The following ECPAS variants were observed in gnomAD, a reference collection of about 807,000 sequenced individuals.
The protein encoded by ECPAS is proteasome adapter and scaffold protein ECM29.
ECPAS carries 70 observed loss-of-function variants against 255.1 expected under a neutral mutation model. The ratio of observed to expected loss-of-function variants is 0.27; its 90% CI spans 0.23 to 0.33. ECPAS has a LOEUF of 0.33. Among genes scored for constraint, ECPAS ranks in the 10% least tolerant of loss-of-function variants. ECPAS has a pLI of 1.00. For missense variants in ECPAS, 1,817 were observed against 2,206.4 expected (o/e 0.82, Z 3.54); for synonymous variants, 784 against 775.0 (o/e 1.01, Z -0.19).
intron 48 of ECPAS, among the ~76,000 whole-genome samples, 178 bp from the exon 49 acceptor site, chr9:111,363,837 G>A (rs2098117031): frequency 6.6e-6 from 1 of 151,854 alleles, no homozygotes; most frequent in Non-Finnish European, 1.5e-5. Context: ...TGAAATGTGT[G>A]CTAATGTCCA....
chr9:111,363,133 C>T (rs567738971), intron 49 of ECPAS, among the ~76,000 whole-genome samples: 1 of 113,322 alleles, frequency 8.8e-6, no homozygotes, highest in African/African-American at 3.3e-5. Context: ...CACTGATAGA[C>T]CATTAGAAGA....
chr9:111,426,129 T>C (rs200937240), intron 10 of ECPAS, among the ~76,000 whole-genome samples: 3 of 152,320 alleles, frequency 2.0e-5, no homozygotes, highest in East Asian at 3.9e-4. Flanking sequence ...CCTATGTTTC[T>C]TAATTATATG....
chr9:111,417,316 C>G (rs181472106), intron 17 of ECPAS, among the ~76,000 whole-genome samples: 1 of 152,248 alleles, frequency 6.6e-6, no homozygotes, highest in Admixed American at 6.5e-5. Context: ...ATATTTAACA[C>G]AGCCAAAATG....
chr9:111,452,472 T>C (rs895293112), intron 2 of ECPAS, among the ~76,000 whole-genome samples: 1 of 152,194 alleles, frequency 6.6e-6, no homozygotes, highest in Admixed American at 6.5e-5. Flanking sequence ...GAGATAAAGA[T>C]GGAAATATTT....
chr9:111,442,415 T>C lies in ECPAS; in HGVS notation c.280A>G (p.Ile94Val), dbSNP rs1032151182. 1.3e-5 allele frequency: 20 copies of C among 1,590,274 alleles called. No individual in the cohort carries two copies. In the Admixed American group the frequency reaches 2.5e-4, roughly 20 times the overall value. ...GGATAGCCCATTTTAACATAAATTA[T>C]AGTAAAATTCTAATGCAATAAGAGA... ...AAVSFVTNFTIIYVKMGYPRL... is the reference protein window; with the variant it reads ...AAVSFVTNFTVIYVKMGYPRL... The change falls in exon 5 of 50, where the codon ATA (isoleucine) becomes GTA (valine). Residue 94 changes from isoleucine (I) to valine (V), a missense_variant. This residue lies in a region of ECPAS where 90 missense variants were observed against 158.5 expected (regional missense o/e 0.57). Coordinates refer to ENST00000684092, the MANE Select transcript of ECPAS (RefSeq NM_001364929.1).
rs751589475 is a variant in ECPAS, at chr9:111,484,281, C to T, written c.-248G>A. On this transcript the variant is annotated 5_prime_UTR_variant, in exon 1 of 50. Coordinates refer to ENST00000684092, the MANE Select transcript of ECPAS (RefSeq NM_001364929.1). The stretch of plus-strand genomic sequence containing the variant: ...GCTGCCCTAGCGGCCGGGGGAAATC[C>T]TCGAGGCGGGGCCGGAGCGCCCTTT... 37 of 1,532,624 alleles carry T rather than the reference C, an allele frequency of 2.4e-5. No individual in the cohort carries two copies. The highest frequency in any genetic ancestry group is 4.3e-5 in the Admixed American group (2 of 46,410). 94.9% of individuals were successfully genotyped at this position (1,532,624 alleles called of 1,614,324 possible).
chr9:111,408,527 G>A (rs1023626296), intron 24 of ECPAS, 44 bp downstream of exon 24: 3 of 1,170,964 alleles, frequency 2.6e-6, no homozygotes, highest in South Asian at 1.7e-5. Flanking sequence ...AAAGACCAAT[G>A]CCTTTTCTCT....
chr9:111,392,513 G>A (rs528920906), intron 28 of ECPAS, among the ~76,000 whole-genome samples: 7 of 152,064 alleles, frequency 4.6e-5, no homozygotes, highest in Non-Finnish European at 1.0e-4. Flanking sequence ...CAGTAATTAC[G>A]GCATTTTTCT....
chr9:111,444,444 T>C lies in ECPAS; in HGVS notation c.204A>G (p.Lys68=). 3 of 1,613,944 alleles carry C rather than the reference T, an allele frequency of 1.9e-6. No individual in the cohort carries two copies. The highest frequency in any genetic ancestry group is 2.2e-5 in the East Asian group (1 of 44,858). The change falls in exon 4 of 50, where the codon AAA becomes AAG. Residue 68 remains lysine, a synonymous_variant. Transcript: ENST00000684092. ...ACAGTGTCTCTACTGGAAGTTGTAT[T>C]TTGGGGCGGCTTTTTATACGTTTAT... ...HLNKRIKSRP[K]IQLPVETLLV...
In ECPAS at chr9:111,393,649, T is replaced by G. The variant is rs369468498; in HGVS notation, c.2977+31A>C. The G allele has an allele frequency of 8.6e-5, 119 of 1,379,800 alleles. No individual in the cohort carries two copies. The African/African-American group carries it at 1.3e-3, about 15-fold the overall frequency. The allele number at this position is 1,379,800 out of a possible 1,614,324, so 85.5% of individuals were successfully genotyped here. On this transcript the variant is annotated intron_variant, in intron 27 of 49. Transcript: ENST00000684092. Reference sequence around the variant, plus strand: ...TGAACATTTAAAATACAAGTTCAATTAAGTTTAGAAATCAAATATTAACAA... The same window carrying G: ...TGAACATTTAAAATACAAGTTCAATGAAGTTTAGAAATCAAATATTAACAA...
intron 2 of ECPAS, among the ~76,000 whole-genome samples, chr9:111,455,309 C>A (rs1043093192): frequency 6.6e-6 from 1 of 151,978 alleles, no homozygotes; most frequent in Non-Finnish European, 1.5e-5. Context: ...ACGGTGAAAC[C>A]CCATCTCTAC....
At chr9:111,370,161 A>C (rs1220862976) in intron 45 of ECPAS, among the ~76,000 whole-genome samples, 1 of 152,202 alleles carries the variant, frequency 6.6e-6, no homozygotes, top group Admixed American at 6.5e-5. Flanking sequence ...TCCTGCCTAG[A>C]ACACAAACAC....
chr9:111,421,413 G>A (rs960248067), intron 15 of ECPAS, among the ~76,000 whole-genome samples: 285 of 104,310 alleles, frequency 2.7e-3, no homozygotes, highest in African/African-American at 0.014. Flanking sequence ...ACATATATGT[G>A]TGTGTGTGTG....
chr9:111,385,230 C>G, intron 33 of ECPAS, 107 bp downstream of exon 33: 1 of 646,696 alleles, frequency 1.5e-6, no homozygotes, highest in Non-Finnish European at 2.6e-6. Flanking sequence ...AAACGTTGGT[C>G]TCTTAAAATT....
chr9:111,403,450 A>T lies in ECPAS; in HGVS notation c.2652+5121T>A, dbSNP rs1027886742. Reference sequence around the variant, plus strand: ...CTTCCATGCAAATGAAAACCAAAAAAGAATAGAAGTAACTATACTTGCATC... The same window carrying T: ...CTTCCATGCAAATGAAAACCAAAAATGAATAGAAGTAACTATACTTGCATC... On this transcript the variant is annotated intron_variant, in intron 24 of 49. Transcript: ENST00000684092. Among the ~76,000 whole-genome samples the T allele has an allele frequency of 2.6e-4, 35 of 137,016 alleles. 6 individuals are homozygous for T. The highest frequency in any genetic ancestry group is 1.1e-3 in the African/African-American group (34 of 30,456). 89.9% of individuals were successfully genotyped at this position (137,016 alleles called of 152,430 possible). A position where few individuals can be genotyped will look rare whatever the true frequency, so the allele number is the denominator to read the frequency against.
intron 6 of ECPAS, 85 bp downstream of exon 6, chr9:111,440,287 G>T: frequency 8.1e-7 from 1 of 1,227,578 alleles, no homozygotes; most frequent in Non-Finnish European, 1.1e-6. Flanking sequence ...TCATTTACTA[G>T]TGAGAGTTTA....
intron 2 of ECPAS, among the ~76,000 whole-genome samples, chr9:111,452,709 GTAGA>G (rs1013272073): frequency 1.3e-5 from 2 of 152,150 alleles, no homozygotes; most frequent in African/African-American, 2.4e-5. Context: ...TGACAGAGAC[GTAGA>G]TAGATACATG....
chr9:111,453,265 C>T (rs72748007), intron 2 of ECPAS, among the ~76,000 whole-genome samples: 20 of 152,040 alleles, frequency 1.3e-4, no homozygotes, highest in Non-Finnish European at 2.5e-4. Flanking sequence ...AGAAATGGAA[C>T]ATGGAACAAG....
chr9:111,404,621 CT>C lies in ECPAS; in HGVS notation c.2652+3949del, dbSNP rs1164227828. On this transcript the variant is annotated intron_variant, in intron 24 of 49. Coordinates refer to ENST00000684092, the MANE Select transcript of ECPAS (RefSeq NM_001364929.1). ...TAAGACATGCCTGCTTCCTCTTCGC[CT>C]TCTGCCAAGATTGTAAGTTTCCTGA... 1.3e-5 allele frequency among the ~76,000 whole-genome samples: 2 copies of C among 149,176 alleles called. 1 individual carries two copies. Among genetic ancestry groups the C allele is most frequent in the African/African-American group, 5.1e-5 (2 of 38,992 alleles).
Sources: allele counts gnomAD v4.1 joint callset (sites outside exome capture counted in the v4.1 genomes callset), GRCh38; gene constraint gnomAD v4.1.1; regional missense constraint gnomAD v4.1.1; transcripts MANE v1.5; gene names NCBI Gene and HGNC (gene_info 2026-07-23, HGNC 2026-07-21).